The following IL1RAPL1 variants were observed in gnomAD, a reference collection of about 807,000 sequenced individuals.
IL1RAPL1 encodes the protein interleukin-1 receptor accessory protein-like 1.
A neutral mutation model predicts 48.4 loss-of-function variants in IL1RAPL1; 3 were observed. The observed-to-expected ratio is 0.06, with a 90% CI of 0.03 to 0.16. The LOEUF is 0.16. IL1RAPL1 is among the 10% of genes least tolerant of loss of function. The probability of loss-of-function intolerance (pLI) is 1.00; values close to 1 mark genes in which losing one functional copy is unlikely to be tolerated. For missense variants in IL1RAPL1, 349 were observed against 530.6 expected, an observed-to-expected ratio of 0.66 and a Z score of 3.36; for synonymous variants, 185 against 187.7, an observed-to-expected ratio of 0.99 and a Z score of 0.12.
At position 28,654,733 on chromosome X, in the gene IL1RAPL1, A is replaced by G. The variant is rs1934731140; in HGVS notation, c.-25+66686A>G. 4.5e-5 allele frequency among the ~76,000 whole-genome samples: 5 copies of G among 112,095 alleles called. No individual in the cohort carries two copies. In the South Asian group the frequency reaches 1.1e-3, roughly 24 times the overall value. On this transcript the variant is annotated intron_variant, in intron 1 of 10. Coordinates refer to ENST00000378993, the MANE Select transcript of IL1RAPL1 (RefSeq NM_014271.4). Reference sequence around the variant, plus strand: ...GTGTCAGACATCATTGATGTTTGCCATATTTAGATGTCACAAGGACCCTGT... The same window carrying G: ...GTGTCAGACATCATTGATGTTTGCCGTATTTAGATGTCACAAGGACCCTGT...
At chrX:29,478,325 A>T (rs989961967) in intron 5 of IL1RAPL1, among the ~76,000 whole-genome samples, 8 of 111,923 alleles carry the variant, frequency 7.1e-5, no homozygotes, top group Non-Finnish European at 1.5e-4. Flanking sequence ...AACTCACGTG[A>T]ACCCATGAGC....
rs151309697 is a variant in IL1RAPL1 at position 28,835,222 on chromosome X, T to A, written c.82+45797T>A. 8.5e-3 allele frequency among the ~76,000 whole-genome samples: 947 copies of A among 111,973 alleles called. 15 individuals carry two copies. Among genetic ancestry groups the A allele is most frequent in the African/African-American group, 0.029 (894 of 30,915 alleles). ...TATCTGAAAACCTTGCCCATTGCCA[T>A]GGTCTGAAGCTGACCCTCAACTACT... On this transcript the variant is annotated intron_variant, in intron 2 of 10. Coordinates refer to ENST00000378993, the MANE Select transcript of IL1RAPL1 (RefSeq NM_014271.4).
At chrX:29,357,937 A>T (rs182956794) in intron 3 of IL1RAPL1, among the ~76,000 whole-genome samples, 63 of 111,819 alleles carry the variant, frequency 5.6e-4, no homozygotes, top group African/African-American at 2.0e-3. Flanking sequence ...ATCTAGTGAT[A>T]ATAGACCGTG....
intron 5 of IL1RAPL1, among the ~76,000 whole-genome samples, chrX:29,564,445 A>G (rs968650087): frequency 3.5e-5 from 4 of 113,307 alleles, no homozygotes; most frequent in African/African-American, 1.3e-4. Flanking sequence ...CTGACTAAGG[A>G]GTACTAACAG....
chrX:28,829,084 G>C (rs1050387455), intron 2 of IL1RAPL1, among the ~76,000 whole-genome samples: 1 of 111,221 alleles, frequency 9.0e-6, no homozygotes, highest in African/African-American at 3.3e-5. Context: ...ATCCATAAGT[G>C]ATTTATTATT....
chrX:28,658,820 T>C (rs753857794), intron 1 of IL1RAPL1, among the ~76,000 whole-genome samples: 44 of 111,686 alleles, frequency 3.9e-4, no homozygotes, highest in Non-Finnish European at 7.1e-4. Flanking sequence ...ACTTGTTCAC[T>C]GAAACATTTT....
chrX:29,635,887 C>T (rs1277840954), intron 5 of IL1RAPL1, among the ~76,000 whole-genome samples: 1 of 110,475 alleles, frequency 9.1e-6, no homozygotes, highest in East Asian at 2.8e-4. Context: ...GCCCTTTCTC[C>T]ATCCTCATTG....
At chrX:29,275,837 C>T (rs1932110459) in intron 2 of IL1RAPL1, among the ~76,000 whole-genome samples, 1 of 112,100 alleles carries the variant, frequency 8.9e-6, no homozygotes, top group South Asian at 3.7e-4. Flanking sequence ...CATGTTGTCT[C>T]ACACCAATAT....
chrX:29,006,074 G>T (rs1342328234), intron 2 of IL1RAPL1, among the ~76,000 whole-genome samples: 1 of 111,497 alleles, frequency 9.0e-6, no homozygotes, highest in Admixed American at 9.6e-5. Context: ...TCTATGCCAT[G>T]GGAGGGGGAT....
intron 3 of IL1RAPL1, among the ~76,000 whole-genome samples, chrX:29,388,029 C>A (rs1242608854): frequency 1.2e-5 from 1 of 80,836 alleles, no homozygotes; most frequent in African/African-American, 4.7e-5. Context: ...TGCGTTATTT[C>A]AAAACCCCAG....
At chrX:28,634,517 T>C (rs1934442878) in intron 1 of IL1RAPL1, among the ~76,000 whole-genome samples, 2 of 109,530 alleles carry the variant, frequency 1.8e-5, no homozygotes, top group Non-Finnish European at 3.8e-5. Context: ...ATATATGAGC[T>C]CCTCAAGCAC....
At chrX:28,654,458 G>T (rs188235790) in intron 1 of IL1RAPL1, among the ~76,000 whole-genome samples, 1 of 111,496 alleles carries the variant, frequency 9.0e-6, no homozygotes, top group Admixed American at 9.6e-5. Flanking sequence ...CCGATTAAAT[G>T]TTTATTGTTA....
chrX:29,023,667 T>A (rs186491093), intron 2 of IL1RAPL1, among the ~76,000 whole-genome samples: 1 of 112,587 alleles, frequency 8.9e-6, no homozygotes, highest in East Asian at 2.8e-4. Context: ...ACAGTGGATA[T>A]GAAATGGAAT....
chrX:29,242,557 T>C (rs1931440774), intron 2 of IL1RAPL1, among the ~76,000 whole-genome samples: 1 of 112,593 alleles, frequency 8.9e-6, no homozygotes. Flanking sequence ...TCATTCAACA[T>C]GTAGTGATTA....
chrX:29,418,117 A>C (rs199621198), intron 5 of IL1RAPL1, among the ~76,000 whole-genome samples: 1 of 30,693 alleles, frequency 3.3e-5, no homozygotes, highest in African/African-American at 1.1e-4. Flanking sequence ...ATATATATAT[A>C]TATATATATT....
chrX:29,740,505 T>G (rs1028217115), intron 6 of IL1RAPL1, among the ~76,000 whole-genome samples: 1 of 112,172 alleles, frequency 8.9e-6, no homozygotes, highest in Non-Finnish European at 1.9e-5. Flanking sequence ...TCTTAGTTAC[T>G]CAGGCTTAAA....
At chrX:29,214,656 G>C (rs965426387) in intron 2 of IL1RAPL1, among the ~76,000 whole-genome samples, 2 of 111,162 alleles carry the variant, frequency 1.8e-5, no homozygotes, top group Non-Finnish European at 3.8e-5. Flanking sequence ...TGGGATCCCC[G>C]AGATAATTCC....
At chrX:29,951,383 T>TA (rs1429941362) in intron 9 of IL1RAPL1, among the ~76,000 whole-genome samples, 1 of 112,044 alleles carries the variant, frequency 8.9e-6, no homozygotes, top group Non-Finnish European at 1.9e-5. Context: ...GAAAACAAGC[T>TA]AAAAATGCAG....
intron 2 of IL1RAPL1, among the ~76,000 whole-genome samples, chrX:29,136,229 G>A (rs777944462): frequency 9.4e-6 from 1 of 106,455 alleles, no homozygotes; most frequent in East Asian, 3.0e-4. Flanking sequence ...CCAGGTTCAA[G>A]TGATTCTCCT....
Sources: gnomAD v4.1 joint callset for allele counts (sites outside exome capture counted in the v4.1 genomes callset) on GRCh38, gnomAD v4.1.1 for gene constraint, MANE v1.5 for transcripts, NCBI Gene and HGNC (gene_info 2026-07-23, HGNC 2026-07-21) for gene names.